The following ECPAS variants were observed in gnomAD, a reference collection of about 807,000 sequenced individuals.
ECPAS encodes the protein proteasome adapter and scaffold protein ECM29.
ECPAS carries 70 observed loss-of-function variants against 255.1 expected under a neutral mutation model. That is an observed-to-expected ratio of 0.27 (90% CI 0.23 to 0.33). The LOEUF is 0.33. Among genes scored for constraint, ECPAS ranks in the 10% least tolerant of loss-of-function variants. The pLI is 1.00. For synonymous variants in ECPAS, 784 were observed against 775.0 expected, an observed-to-expected ratio of 1.01 and a Z score of -0.19; for missense variants, 1,817 against 2,206.4, an observed-to-expected ratio of 0.82 and a Z score of 3.54.
At chr9:111,392,442 C>A (rs1003818431) in intron 28 of ECPAS, among the ~76,000 whole-genome samples, 1 of 152,216 alleles carries the variant, frequency 6.6e-6, no homozygotes, top group Admixed American at 6.5e-5. Flanking sequence ...ACACTCTTCA[C>A]GGGTTAGACT....
chr9:111,370,377 T>C (rs1036336555), intron 45 of ECPAS, 58 bp downstream of exon 45: 2 of 1,233,790 alleles, frequency 1.6e-6, no homozygotes, highest in African/African-American at 1.5e-5. Flanking sequence ...GGGAAAACAA[T>C]TTTTTAACTT....
chr9:111,369,220 G>A, intron 45 of ECPAS, 47 bp from the exon 46 acceptor site: 1 of 1,411,948 alleles, frequency 7.1e-7, no homozygotes, highest in Non-Finnish European at 9.3e-7. Context: ...CTTCTTCAAA[G>A]TTACAGGTAT....
intron 25 of ECPAS, among the ~76,000 whole-genome samples, chr9:111,396,138 T>G (rs2098167293): frequency 6.6e-6 from 1 of 152,246 alleles, no homozygotes; most frequent in Non-Finnish European, 1.5e-5. Flanking sequence ...CTCTTTTAAT[T>G]TCCTCACTTG....
chr9:111,425,845 G>A lies in ECPAS; in HGVS notation c.1051-17C>T, dbSNP rs747476489. The A allele has an allele frequency of 4.2e-5, 49 of 1,167,940 alleles. 1 individual carries two copies. The highest frequency in any genetic ancestry group is 5.7e-5 in the Non-Finnish European group (46 of 804,234). 72.3% of individuals were successfully genotyped at this position (1,167,940 alleles called of 1,614,324 possible). On this transcript the variant is annotated splice_polypyrimidine_tract_variant and intron_variant, in intron 10 of 49. Coordinates refer to ENST00000684092, the MANE Select transcript of ECPAS (RefSeq NM_001364929.1). ...ATACACCACCTATGTAAAATGAAGA[G>A]TTGAGAACATCAATTAATAAAAATA...
chr9:111,431,585 G>A (rs2098230107), intron 8 of ECPAS, among the ~76,000 whole-genome samples: 1 of 150,904 alleles, frequency 6.6e-6, no homozygotes, highest in African/African-American at 2.4e-5. Flanking sequence ...AAAGATGATT[G>A]GTGATTCGTT....
Position 111,484,056 on chromosome 9 carries a change from C to T in ECPAS, c.-83+60G>A. On this transcript the variant is annotated intron_variant, in intron 1 of 49. Coordinates refer to ENST00000684092, the MANE Select transcript of ECPAS (RefSeq NM_001364929.1). ...CGGCGGCCTGTGCGGGCGGCCCGGC[C>T]TAACCGCGCCGCCGCGCGCGCAGGG... 23 of 1,120,048 alleles carry T rather than the reference C, an allele frequency of 2.1e-5. No individual in the cohort carries two copies. In the South Asian group the frequency reaches 9.3e-4, roughly 45 times the overall value. The allele number at this position is 1,120,048 out of a possible 1,614,324, so 69.4% of individuals were successfully genotyped here.
chr9:111,444,102 C>A (rs778759571), intron 4 of ECPAS, among the ~76,000 whole-genome samples: 3 of 152,092 alleles, frequency 2.0e-5, no homozygotes, highest in Admixed American at 6.6e-5. Context: ...TCAAATCATT[C>A]TTTTATATAA....
At chr9:111,457,845 T>C (rs908619251) in intron 2 of ECPAS, among the ~76,000 whole-genome samples, 14 of 152,220 alleles carry the variant, frequency 9.2e-5, no homozygotes, top group African/African-American at 2.9e-4. Context: ...CCTACCCCTA[T>C]AGCATTTATA....
At chr9:111,451,035 AT>A (rs930221956) in intron 3 of ECPAS, among the ~76,000 whole-genome samples, 5 of 152,086 alleles carry the variant, frequency 3.3e-5, no homozygotes, top group East Asian at 3.9e-4. Flanking sequence ...TTTTGCTTAA[AT>A]TTTTTTTTAT....
At chr9:111,397,675 A>T (rs1589143741) in intron 24 of ECPAS, among the ~76,000 whole-genome samples, 1 of 152,268 alleles carries the variant, frequency 6.6e-6, no homozygotes, top group African/African-American at 2.4e-5. Flanking sequence ...CACAATAAAT[A>T]GTAGCCATTA....
At chr9:111,375,500 T>C (rs2098132379) in intron 37 of ECPAS, among the ~76,000 whole-genome samples, 1 of 152,154 alleles carries the variant, frequency 6.6e-6, no homozygotes, top group South Asian at 2.1e-4. Flanking sequence ...TACTTCCTCT[T>C]TATCAATCCA....
At chr9:111,386,825 G>A (rs546057478) in intron 31 of ECPAS, among the ~76,000 whole-genome samples, 1 of 152,200 alleles carries the variant, frequency 6.6e-6, no homozygotes, top group South Asian at 2.1e-4. Context: ...CCCTTCCCAG[G>A]TCCTACTTGC....
At chr9:111,410,914 G>A (rs1171528508) in intron 22 of ECPAS, 66 bp downstream of exon 22, 12 of 1,434,178 alleles carry the variant, frequency 8.4e-6, no homozygotes, top group East Asian at 4.6e-5. Flanking sequence ...AAACTGAAAC[G>A]CCATATTAAA....
At chr9:111,482,703 C>T (rs927760819) in intron 1 of ECPAS, among the ~76,000 whole-genome samples, 1 of 152,034 alleles carries the variant, frequency 6.6e-6, no homozygotes, top group African/African-American at 2.4e-5. Context: ...ACACTCAAAA[C>T]GCAATCAGAA....
intron 35 of ECPAS, among the ~76,000 whole-genome samples, chr9:111,379,246 G>A (rs1264676343): frequency 6.6e-6 from 1 of 152,080 alleles, no homozygotes; most frequent in Non-Finnish European, 1.5e-5. Context: ...AATACCTTGG[G>A]GATACTGCAG....
At chr9:111,478,784 A>G (rs1422562461) in intron 1 of ECPAS, among the ~76,000 whole-genome samples, 1 of 152,236 alleles carries the variant, frequency 6.6e-6, no homozygotes, top group Non-Finnish European at 1.5e-5. Context: ...AGTATTATCC[A>G]TATCATACAG....
chr9:111,416,430 T>C lies in ECPAS; in HGVS notation c.1684-78A>G, dbSNP rs561612487. On this transcript the variant is annotated intron_variant, in intron 17 of 49. Coordinates refer to ENST00000684092, the MANE Select transcript of ECPAS (RefSeq NM_001364929.1). Reference sequence around the variant, plus strand: ...TGCCCTTCCTCAACTCAAAAACAACTGTGTTTCTAGCTACATGTCCTAAGT... The same window carrying C: ...TGCCCTTCCTCAACTCAAAAACAACCGTGTTTCTAGCTACATGTCCTAAGT... 13 of 1,026,804 alleles carry C rather than the reference T, an allele frequency of 1.3e-5. No individual in the cohort carries two copies. In the African/African-American group the frequency reaches 1.4e-4, roughly 11 times the overall value. 63.6% of individuals were successfully genotyped at this position (1,026,804 alleles called of 1,614,324 possible).
chr9:111,420,105 G>C lies in ECPAS; in HGVS notation c.1471C>G (p.Arg491Gly). ...CTGGCAAATTTCACAGCCACTTGTCGAACTTGAACTTCAGGCTATTTCATG... is the reference window on the plus strand; with the variant it reads ...CTGGCAAATTTCACAGCCACTTGTCCAACTTGAACTTCAGGCTATTTCATG... ...SYLIKPEVQV[R>G]QVAVKFASTV... The change falls in exon 16 of 50, where the codon CGA becomes GGA. Residue 491 changes from arginine to glycine, a missense_variant. Transcript: ENST00000684092. 6.2e-7 allele frequency: 1 copy of C among 1,611,174 alleles called. No homozygotes were observed. Among genetic ancestry groups the C allele is most frequent in the Non-Finnish European group, 8.5e-7 (1 of 1,178,362 alleles).
intron 4 of ECPAS, among the ~76,000 whole-genome samples, chr9:111,443,205 C>T (rs150972750): frequency 1.3e-5 from 2 of 152,282 alleles, no homozygotes; most frequent in Non-Finnish European, 1.5e-5. Context: ...CCCATAAATA[C>T]GTATCTGGAT....
Sources: gnomAD v4.1 joint callset for allele counts (sites outside exome capture counted in the v4.1 genomes callset) on GRCh38, gnomAD v4.1.1 for gene constraint, MANE v1.5 for transcripts, NCBI Gene and HGNC (gene_info 2026-07-23, HGNC 2026-07-21) for gene names.